The following PIAS1 variants were observed in gnomAD, a reference collection of about 807,000 sequenced individuals.
PIAS1 encodes the protein E3 SUMO-protein ligase PIAS1.
PIAS1 carries 6 observed loss-of-function variants against 71.3 expected under a neutral mutation model. The observed-to-expected ratio is 0.08, with a 90% CI of 0.05 to 0.17. The LOEUF (loss-of-function observed/expected upper bound fraction) is 0.17, where lower values mean the gene tolerates loss of function less well. Among genes scored for constraint, PIAS1 ranks in the 10% least tolerant of loss-of-function variants. PIAS1 has a pLI of 1.00. For synonymous variants in PIAS1, 303 were observed against 292.9 expected (o/e 1.03, Z -0.35); for missense variants, 555 against 793.6 (o/e 0.70, Z 3.61).
intron 2 of PIAS1, among the ~76,000 whole-genome samples, chr15:68,138,579 A>G (rs371713891): frequency 1.1e-4 from 17 of 152,252 alleles, no homozygotes; most frequent in Middle Eastern, 3.4e-3. Context: ...GGTTCAAACT[A>G]TTCTCCTGCC....
At chr15:68,155,617 A>T (rs1316466462) in intron 7 of PIAS1, among the ~76,000 whole-genome samples, 3 of 152,302 alleles carry the variant, frequency 2.0e-5, no homozygotes, top group Middle Eastern at 3.4e-3. Flanking sequence ...TACTTCTAGC[A>T]AAGTTTTAGT....
At chr15:68,181,452 T>C in intron 12 of PIAS1, 98 bp downstream of exon 12, 2 of 1,206,744 alleles carry the variant, frequency 1.7e-6, no homozygotes, top group Non-Finnish European at 2.4e-6. Flanking sequence ...ACTGGAAGAC[T>C]GAGCCAACAG....
intron 2 of PIAS1, among the ~76,000 whole-genome samples, chr15:68,113,738 C>T (rs1001766984): frequency 3.3e-5 from 5 of 151,996 alleles, no homozygotes; most frequent in Non-Finnish European, 5.9e-5. Flanking sequence ...ATAAGGCAAG[C>T]TTATTAAGGA....
chr15:68,128,607 AAGC>A (rs1375761345), intron 2 of PIAS1, among the ~76,000 whole-genome samples: 22 of 152,202 alleles, frequency 1.4e-4, no homozygotes, highest in African/African-American at 4.1e-4. Flanking sequence ...AAATGAGAAA[AAGC>A]AGCAGATTCT....
intron 2 of PIAS1, among the ~76,000 whole-genome samples, chr15:68,132,714 G>A (rs1034874147): frequency 6.6e-6 from 1 of 152,086 alleles, no homozygotes; most frequent in African/African-American, 2.4e-5. Context: ...TTCAATTTGA[G>A]TGGCAAAATA....
rs2093034780 is a variant in PIAS1 at position 68,178,707 on chromosome 15, A to G, written c.1481+2053A>G. Reference sequence around the variant, plus strand: ...ATATAAATACTTTTGGGCTAAATGCATCATAATATATATATTTGTTCTGTT... The same window carrying G: ...ATATAAATACTTTTGGGCTAAATGCGTCATAATATATATATTTGTTCTGTT... On this transcript the variant is annotated intron_variant, in intron 11 of 13. Coordinates refer to ENST00000249636, the MANE Select transcript of PIAS1 (RefSeq NM_016166.3). The surrounding 1 kb of genome is among the most constrained non-coding windows in gnomAD (Gnocchi z 4.2). 6.6e-6 allele frequency among the ~76,000 whole-genome samples: 1 copy of G among 152,182 alleles called. No homozygotes were observed. The highest frequency in any genetic ancestry group is 1.5e-5 in the Non-Finnish European group (1 of 68,018).
chr15:68,102,171 T>C lies in PIAS1; in HGVS notation c.469+15421T>C, dbSNP rs373182898. On this transcript the variant is annotated intron_variant, in intron 2 of 13. Coordinates refer to ENST00000249636, the MANE Select transcript of PIAS1 (RefSeq NM_016166.3). ...ATAAGGTGTGAGATTGAGATTGAGC[T>C]TCATTTATGGAGATCTAACTGTTCT... Among the ~76,000 whole-genome samples the C allele has an allele frequency of 1.8e-4, 28 of 152,326 alleles. 1 individual carries two copies. In the East Asian group the frequency reaches 3.5e-3, roughly 19 times the overall value.
chr15:68,112,342 T>C (rs374412827), intron 2 of PIAS1, among the ~76,000 whole-genome samples: 23 of 152,260 alleles, frequency 1.5e-4, no homozygotes, highest in Middle Eastern at 3.4e-3. Flanking sequence ...TCCCTCCAGC[T>C]ACATCCCTAT....
At chr15:68,122,051 C>T (rs1389964639) in intron 2 of PIAS1, among the ~76,000 whole-genome samples, 5 of 152,148 alleles carry the variant, frequency 3.3e-5, no homozygotes, top group Non-Finnish European at 7.4e-5. Flanking sequence ...ATCACTTGAG[C>T]CTGGAAGATG....
At chr15:68,081,236 A>C (rs1331232639) in intron 1 of PIAS1, among the ~76,000 whole-genome samples, 1 of 152,128 alleles carries the variant, frequency 6.6e-6, no homozygotes, top group Non-Finnish European at 1.5e-5. Flanking sequence ...ATTCTGCACT[A>C]CTCTGCCCTT....
Position 68,054,575 on chromosome 15 carries a change from A to T in PIAS1, c.24+225A>T. The T allele has an allele frequency of 1.9e-4, 80 of 414,576 alleles. No homozygotes were observed. Among genetic ancestry groups the T allele is most frequent in the East Asian group, 3.1e-4 (7 of 22,754 alleles). The allele number at this position is 414,576 out of a possible 1,614,324, so 25.7% of individuals were successfully genotyped here. A position where few individuals can be genotyped will look rare whatever the true frequency, so the allele number is the denominator to read the frequency against. ...GCTGACGGGTCGTCCCCGGCGTGTTATTGTTGTGGGCGCCTCTGGCGGGGG... is the reference window on the plus strand; with the variant it reads ...GCTGACGGGTCGTCCCCGGCGTGTTTTTGTTGTGGGCGCCTCTGGCGGGGG... On this transcript the variant is annotated intron_variant, in intron 1 of 13. Transcript: ENST00000249636. This position sits in a 1 kb window ranked among gnomAD's most constrained non-coding sequence, Gnocchi z 4.6.
Position 68,168,696 on chromosome 15 carries a change from T to C in PIAS1, c.1008+3892T>C, listed in dbSNP as rs149585171. 3.9e-3 allele frequency among the ~76,000 whole-genome samples: 597 copies of C among 152,316 alleles called. 10 individuals are homozygous for C. Among genetic ancestry groups the C allele is most frequent in the African/African-American group, 0.014 (581 of 41,558 alleles). ...TGATTTTTTTAAAAAAAATCAGGAA[T>C]ATGAGAATTATCACATAATAGTTAT... On this transcript the variant is annotated intron_variant, in intron 8 of 13. Coordinates refer to ENST00000249636, the MANE Select transcript of PIAS1 (RefSeq NM_016166.3).
chr15:68,131,516 A>G (rs940500931), intron 2 of PIAS1, among the ~76,000 whole-genome samples: 1 of 152,004 alleles, frequency 6.6e-6, no homozygotes, highest in African/African-American at 2.4e-5. Flanking sequence ...TTCTAACCAT[A>G]TCTGGTAACC....
rs1241551106 is a variant in PIAS1, at chr15:68,193,704, A to G, written c.*5869A>G. On this transcript the variant is annotated 3_prime_UTR_variant, in exon 14 of 14. Coordinates refer to ENST00000249636, the MANE Select transcript of PIAS1 (RefSeq NM_016166.3). The stretch of plus-strand genomic sequence containing the variant: ...CTTTGAGGAGTGAAATGATTTGCCC[A>G]AAGTCACAGTGGGAAGCAGCAGAGC... 7 of 290,556 alleles carry G rather than the reference A, an allele frequency of 2.4e-5. No individual in the cohort carries two copies. Among genetic ancestry groups the G allele is most frequent in the Non-Finnish European group, 6.5e-6 (1 of 153,532 alleles). The allele number at this position is 290,556 out of a possible 1,614,324, so 18.0% of individuals were successfully genotyped here. A position where few individuals can be genotyped will look rare whatever the true frequency, so the allele number is the denominator to read the frequency against.
chr15:68,106,758 G>GC (rs2092473933), intron 2 of PIAS1, among the ~76,000 whole-genome samples: 2 of 152,184 alleles, frequency 1.3e-5, no homozygotes, highest in African/African-American at 2.4e-5. Context: ...GAGTGAAGGG[G>GC]GATTAGGCTC....
In PIAS1 at chr15:68,116,718, G is replaced by C. The variant is rs532989169; in HGVS notation, c.470-25228G>C. On this transcript the variant is annotated intron_variant, in intron 2 of 13. Transcript: ENST00000249636. The stretch of plus-strand genomic sequence containing the variant: ...TTTCTAATATAGGCATTTTAGAGCT[G>C]TAAATTTCTCTCTAAATACTGCTTT... Among the ~76,000 whole-genome samples the C allele has an allele frequency of 5.9e-5, 9 of 151,866 alleles. No individual in the cohort carries two copies. In the South Asian group the frequency reaches 1.9e-3, roughly 32 times the overall value.
intron 2 of PIAS1, among the ~76,000 whole-genome samples, chr15:68,120,443 T>C (rs1255263743): frequency 6.6e-6 from 1 of 152,236 alleles, no homozygotes; most frequent in African/African-American, 2.4e-5. Context: ...GATGATTTTT[T>C]AATGATTCAA....
rs1340870571 is a variant in PIAS1 at position 68,190,981 on chromosome 15, A to T, written c.*3146A>T. 1.3e-5 allele frequency: 2 copies of T among 152,252 alleles called. No individual in the cohort carries two copies. The highest frequency in any genetic ancestry group is 4.8e-5 in the African/African-American group (2 of 41,452). The allele number at this position is 152,252 out of a possible 1,614,324, so 9.4% of individuals were successfully genotyped here. ...CTAACTAAATTAATGTGGAAAGAGC[A>T]TTTTTTTAGACAATTTCAATTTTAA... On this transcript the variant is annotated 3_prime_UTR_variant, in exon 14 of 14. Coordinates refer to ENST00000249636, the MANE Select transcript of PIAS1 (RefSeq NM_016166.3). This position sits in a 1 kb window ranked among gnomAD's most constrained non-coding sequence, Gnocchi z 4.7.
intron 1 of PIAS1, among the ~76,000 whole-genome samples, chr15:68,077,514 A>G (rs561456844): frequency 8.5e-5 from 13 of 152,324 alleles, no homozygotes; most frequent in Non-Finnish European, 1.0e-4. Context: ...GGAACTTTCA[A>G]TTCCTAGAGC....
Sources: allele counts gnomAD v4.1 joint callset (sites outside exome capture counted in the v4.1 genomes callset), GRCh38; gene constraint gnomAD v4.1.1; non-coding constraint Gnocchi (gnomAD v3.1); transcripts MANE v1.5; gene names NCBI Gene and HGNC (gene_info 2026-07-23, HGNC 2026-07-21).